Variants in PHKA1 observed in about 807,000 individuals in gnomAD.
PHKA1 encodes the protein phosphorylase kinase regulatory subunit alpha 1.
PHKA1 carries 60 observed loss-of-function variants against 110.2 expected under a neutral mutation model. The ratio of observed to expected loss-of-function variants is 0.54; its 90% CI spans 0.44 to 0.68. The LOEUF (loss-of-function observed/expected upper bound fraction) is 0.68, where lower values mean the gene tolerates loss of function less well. PHKA1 is among the 30% of genes least tolerant of loss of function. The pLI is 0.00. For missense variants in PHKA1, 801 were observed against 942.5 expected (o/e 0.85, Z 1.97); for synonymous variants, 316 against 333.6 (o/e 0.95, Z 0.58).
At position 72,581,048 on chromosome X, in the gene PHKA1, G is replaced by A. The variant is rs782528795; in HGVS notation, c.3626C>T (p.Thr1209Ile). The A allele has an allele frequency of 1.7e-6, 2 of 1,211,170 alleles. No individual in the cohort carries two copies. The highest frequency in any genetic ancestry group is 1.8e-5 in the South Asian group (1 of 56,866). Residue 1209 changes from threonine to isoleucine, a missense_variant, in exon 32 of 32, where the codon ACC becomes ATC. By Grantham distance (89) the Thr-to-Ile change is moderately conservative. Around this residue, in one of 2 missense-constraint regions of PHKA1, gnomAD observed 502 missense variants for 519.2 expected, o/e 0.97. Coordinates refer to ENST00000373542, the MANE Select transcript of PHKA1 (RefSeq NM_002637.4). ...TMTYLSKAAA[T>I]YVQEFLPHSI... ...GTGGGGCAGGAACTCCTGCACGTAGGTGGCGGCTGCCTTGGAGAGGTAGGT... is the reference window on the plus strand; with the variant it reads ...GTGGGGCAGGAACTCCTGCACGTAGATGGCGGCTGCCTTGGAGAGGTAGGT...
chrX:72,669,471 C>G (rs1319600128), intron 6 of PHKA1, among the ~76,000 whole-genome samples: 5 of 108,252 alleles, frequency 4.6e-5, no homozygotes, highest in Non-Finnish European at 9.6e-5. Context: ...TGTTGGTGTG[C>G]TGCACCCAGT....
chrX:72,710,510 A>C (rs1049086900), intron 2 of PHKA1, among the ~76,000 whole-genome samples: 5 of 112,270 alleles, frequency 4.5e-5, no homozygotes, highest in African/African-American at 1.3e-4. Context: ...TAATGACAAA[A>C]AAAGATATGA....
intron 16 of PHKA1, among the ~76,000 whole-genome samples, chrX:72,630,892 AC>A (rs2053155146): frequency 9.1e-6 from 1 of 110,318 alleles, no homozygotes. Context: ...TCTTTCTGAA[AC>A]TTTTATAACA....
chrX:72,580,942 C>T lies in PHKA1; in HGVS notation c.*60G>A. 9.6e-7 allele frequency: 1 copy of T among 1,040,937 alleles called. No individual in the cohort carries two copies. Among genetic ancestry groups the T allele is most frequent in the Non-Finnish European group, 1.3e-6 (1 of 747,020 alleles). 85.8% of individuals were successfully genotyped at this position (1,040,937 alleles called of 1,213,427 possible). On this transcript the variant is annotated 3_prime_UTR_variant, in exon 32 of 32. Coordinates refer to ENST00000373542, the MANE Select transcript of PHKA1 (RefSeq NM_002637.4). ...GGCAATAACATTTTAGTTCCATGCA[C>T]AATCAACCGAGGCAGGGACCAGCTG...
At chrX:72,664,485 G>A (rs2053597031) in intron 8 of PHKA1, among the ~76,000 whole-genome samples, 1 of 111,457 alleles carries the variant, frequency 9.0e-6, no homozygotes. Flanking sequence ...AATAGTGGGA[G>A]ACTTCAACAT....
intron 2 of PHKA1, among the ~76,000 whole-genome samples, chrX:72,711,082 C>T (rs1360528361): frequency 9.2e-6 from 1 of 108,171 alleles, no homozygotes; most frequent in African/African-American, 3.4e-5. Flanking sequence ...AGGATGGTCT[C>T]GATCTCCTGA....
intron 4 of PHKA1, among the ~76,000 whole-genome samples, chrX:72,684,853 G>T (rs2053950528): frequency 1.8e-5 from 2 of 111,662 alleles, no homozygotes; most frequent in South Asian, 7.5e-4. Context: ...GATTCTATAG[G>T]TAACTAATTT....
At chrX:72,635,370 C>G in intron 15 of PHKA1, 71 bp from the exon 16 acceptor site, 1 of 993,241 alleles carries the variant, frequency 1.0e-6, no homozygotes, top group Non-Finnish European at 1.4e-6. Context: ...TTAAACTACT[C>G]ATATATTCAG....
intron 26 of PHKA1, among the ~76,000 whole-genome samples, chrX:72,602,581 G>A (rs1369853846): frequency 9.0e-6 from 1 of 111,158 alleles, no homozygotes; most frequent in African/African-American, 3.3e-5. Context: ...CCATCCATCT[G>A]ACCATATATA....
chrX:72,687,885 G>A (rs1488640137), intron 4 of PHKA1, among the ~76,000 whole-genome samples: 5 of 105,176 alleles, frequency 4.8e-5, no homozygotes, highest in African/African-American at 1.7e-4. Flanking sequence ...GGAGTGCTGT[G>A]GCATGATCCT....
At position 72,667,381 on chromosome X, in the gene PHKA1, G is replaced by C. The variant is rs782168291; in HGVS notation, c.711C>G (p.His237Gln). ...VIHVLADEVQHCQSILNSLLP... is the reference protein window; with the variant it reads ...VIHVLADEVQQCQSILNSLLP... The stretch of plus-strand genomic sequence containing the variant: ...ATTTTCCATAATATTTTACCTGGCA[G>C]TGCTGTACTTCATCAGCCAGGACAT... Residue 237 changes from histidine to glutamine, a missense_variant, in exon 7 of 32, where the codon CAC becomes CAG. Around this residue, in one of 2 missense-constraint regions of PHKA1, gnomAD observed 299 missense variants for 423.3 expected, o/e 0.71. Transcript: ENST00000373542. The C allele has an allele frequency of 2.2e-5, 26 of 1,196,437 alleles. No homozygotes were observed. The highest frequency in any genetic ancestry group is 2.8e-5 in the Non-Finnish European group (25 of 881,717).
At chrX:72,705,044 G>A (rs1556331824) in intron 3 of PHKA1, among the ~76,000 whole-genome samples, 154 bp downstream of exon 3, 1 of 112,380 alleles carries the variant, frequency 8.9e-6, no homozygotes, top group East Asian at 2.8e-4. Context: ...GATTATGGGT[G>A]ACATTATCCC....
At chrX:72,687,677 G>A (rs2053983299) in intron 4 of PHKA1, among the ~76,000 whole-genome samples, 2 of 110,285 alleles carry the variant, frequency 1.8e-5, no homozygotes, top group African/African-American at 6.6e-5. Context: ...TATTTGCTCA[G>A]CATTAAACTT....
chrX:72,590,966 A>T (rs892824754), intron 29 of PHKA1, among the ~76,000 whole-genome samples: 8 of 112,017 alleles, frequency 7.1e-5, no homozygotes, highest in Non-Finnish European at 1.3e-4. Context: ...TGTTGGTGGG[A>T]GTGTAAACTA....
At chrX:72,644,561 T>G in intron 13 of PHKA1, 65 bp from the exon 14 acceptor site, 5 of 981,617 alleles carry the variant, frequency 5.1e-6, no homozygotes, top group Non-Finnish European at 7.2e-6. Context: ...TAACAATCTC[T>G]CAAGTTATAT....
chrX:72,609,908 A>C (rs2082548629), intron 22 of PHKA1, among the ~76,000 whole-genome samples: 1 of 111,533 alleles, frequency 9.0e-6, no homozygotes, highest in Non-Finnish European at 1.9e-5. Flanking sequence ...AGAAAGTAGG[A>C]ACTTTTTTGT....
At chrX:72,583,583 A>G (rs1159612423) in intron 30 of PHKA1, among the ~76,000 whole-genome samples, 1 of 111,991 alleles carries the variant, frequency 8.9e-6, no homozygotes, top group African/African-American at 3.2e-5. Context: ...CATTTTTGAG[A>G]ACTTTCTACT....
chrX:72,582,312 G>A (rs74774453), intron 31 of PHKA1, 86 bp downstream of exon 31: 1 of 653,395 alleles, frequency 1.5e-6, no homozygotes. Context: ...GCACAAGAAA[G>A]TGACCGTGGC....
intron 28 of PHKA1, among the ~76,000 whole-genome samples, chrX:72,597,761 A>G (rs2052609511): frequency 1.8e-5 from 2 of 111,884 alleles, no homozygotes; most frequent in Non-Finnish European, 3.8e-5. Context: ...TGTACCCTTT[A>G]GGTGTAATAA....
Sources: allele counts gnomAD v4.1 joint callset (sites outside exome capture counted in the v4.1 genomes callset), GRCh38; gene constraint gnomAD v4.1.1; regional missense constraint gnomAD v4.1.1; transcripts MANE v1.5; gene names NCBI Gene and HGNC (gene_info 2026-07-23, HGNC 2026-07-21).